TATDN3: variants seen among roughly 807,000 people sequenced by gnomAD.
TATDN3 encodes deoxyribonuclease TATDN3.
In TATDN3, 29 loss-of-function variants were observed where a neutral mutation model predicts 40.1. That is an observed-to-expected ratio of 0.72 (90% CI 0.54 to 0.99). TATDN3 has a LOEUF of 0.99. TATDN3 is among the 50% of genes least tolerant of loss of function. The probability of loss-of-function intolerance (pLI) is 0.00; values close to 1 mark genes in which losing one functional copy is unlikely to be tolerated. For synonymous variants in TATDN3, 105 were observed against 117.0 expected, an observed-to-expected ratio of 0.90 and a Z score of 0.66; for missense variants, 309 against 321.9, an observed-to-expected ratio of 0.96 and a Z score of 0.31.
At chr1:212,795,220 G>A in intron 2 of TATDN3, 93 bp downstream of exon 2, 1 of 697,998 alleles carries the variant, frequency 1.4e-6, no homozygotes, top group Non-Finnish European at 2.4e-6. Context: ...CTACCTTGAT[G>A]TTTCAGTAGT....
rs1338674400 is a variant in TATDN3 at position 212,804,434 on chromosome 1, G to T, written c.431+5G>T. On this transcript the variant is annotated splice_donor_5th_base_variant and intron_variant, in intron 6 of 9. Coordinates refer to ENST00000366974, the MANE Select transcript of TATDN3 (RefSeq NM_001042552.3). ...CAAAAGACTAAATTTGCCTGTGTAG[G>T]TTAATTATTTTCCTATGTTAATAGC... is the stretch of plus-strand genomic sequence containing the variant. 1 of 1,610,334 alleles carries T rather than the reference G, an allele frequency of 6.2e-7. No homozygotes were observed. Among genetic ancestry groups the T allele is most frequent in the Admixed American group, 1.7e-5 (1 of 59,902 alleles).
chr1:212,811,659 A>G (rs977129989), intron 8 of TATDN3, among the ~76,000 whole-genome samples: 1 of 151,944 alleles, frequency 6.6e-6, no homozygotes, highest in African/African-American at 2.4e-5. Context: ...GCTCACTGCA[A>G]CCTTGCCTGG....
rs529235760 is a variant in TATDN3 at position 212,806,058 on chromosome 1, TA to T, written c.487+1410del. Among the ~76,000 whole-genome samples the T allele has an allele frequency of 2.6e-4, 40 of 152,284 alleles. No individual in the cohort carries two copies. In the East Asian group the frequency reaches 7.7e-3, roughly 29 times the overall value. ...CATTTGAAAAAACTCTGTCAAATAA[TA>T]AAGTAAATGAAATTGCCTGCAACTA... On this transcript the variant is annotated intron_variant, in intron 7 of 9. Transcript: ENST00000366974.
intron 4 of TATDN3, among the ~76,000 whole-genome samples, chr1:212,801,643 CAGAGACATACAGT>C (rs1323458150): frequency 6.6e-6 from 1 of 152,154 alleles, no homozygotes; most frequent in Non-Finnish European, 1.5e-5. Flanking sequence ...TCTGAGATCT[CAGAGACATACAGT>C]AGTTTGGATG....
At chr1:212,812,850 A>G (rs1662969997) in intron 9 of TATDN3, among the ~76,000 whole-genome samples, 1 of 151,970 alleles carries the variant, frequency 6.6e-6, no homozygotes, top group Non-Finnish European at 1.5e-5. Context: ...TAAAAATACA[A>G]AAAAATTAGC....
chr1:212,806,599 A>C (rs1571966079), intron 7 of TATDN3, among the ~76,000 whole-genome samples: 1 of 144,124 alleles, frequency 6.9e-6, no homozygotes, highest in African/African-American at 2.6e-5. Context: ...CTGGTCTCAA[A>C]CTCCTGAGCT....
At chr1:212,803,971 G>A (rs1306695161) in intron 5 of TATDN3, among the ~76,000 whole-genome samples, 2 of 152,042 alleles carry the variant, frequency 1.3e-5, no homozygotes, top group Non-Finnish European at 2.9e-5. Flanking sequence ...AGGAGGCAGA[G>A]GTTGAAGTGA....
At chr1:212,803,926 C>T (rs1662309451) in intron 5 of TATDN3, among the ~76,000 whole-genome samples, 1 of 151,966 alleles carries the variant, frequency 6.6e-6, no homozygotes, top group Admixed American at 6.6e-5. Flanking sequence ...ATCCCAGCTA[C>T]TCAGGAAGCT....
In TATDN3 at chr1:212,815,107, AG is replaced by A; in HGVS notation, c.777del (p.Asn260MetfsTer3). On this transcript the variant is annotated frameshift_variant, in exon 10 of 10. Coordinates refer to ENST00000366974, the MANE Select transcript of TATDN3 (RefSeq NM_001042552.3). LOFTEE classifies it high-confidence loss of function. The part of the protein sequence containing the change: ...SVEEVIEVTT[Q>X]NALKLFPKLR... ...GAAGAAGTTATAGAAGTGACGACAC[AG>A]AATGCATTAAAACTGTTTCCTAAGC... is the stretch of plus-strand genomic sequence containing the variant. The A allele has an allele frequency of 6.2e-7, 1 of 1,614,094 alleles. No homozygotes were observed. The highest frequency in any genetic ancestry group is 8.5e-7 in the Non-Finnish European group (1 of 1,180,002).
chr1:212,795,575 T>G (rs568138513), intron 2 of TATDN3, among the ~76,000 whole-genome samples: 1 of 151,478 alleles, frequency 6.6e-6, no homozygotes, highest in Admixed American at 6.6e-5. Flanking sequence ...CCAGCCAATT[T>G]TTATTATTTA....
rs1407953279 is a variant in TATDN3, at chr1:212,804,426, C to T, written c.428C>T (p.Pro143Leu). The T allele has an allele frequency of 5.6e-6, 9 of 1,612,366 alleles. No homozygotes were observed. The highest frequency in any genetic ancestry group is 7.6e-6 in the Non-Finnish European group (9 of 1,178,556). ...QIQLAKRLNL[P>L]VNVHSRSAGR... ...CAGTTAGCCAAAAGACTAAATTTGC[C>T]TGTGTAGGTTAATTATTTTCCTATG... The change falls in exon 6 of 10, where the codon CCT becomes CTT. Residue 143 changes from proline to leucine, a missense_variant. Coordinates refer to ENST00000366974, the MANE Select transcript of TATDN3 (RefSeq NM_001042552.3).
rs143072334 is a variant in TATDN3 at position 212,795,262 on chromosome 1, T to TTTTATTTA, written c.99+154_99+161dup. 1,384 of 299,884 alleles carry TTTTATTTA rather than the reference T, an allele frequency of 4.6e-3. 28 individuals carry two copies. Among genetic ancestry groups the TTTTATTTA allele is most frequent in the South Asian group, 0.026 (234 of 8,852 alleles). 18.6% of individuals were successfully genotyped at this position (299,884 alleles called of 1,614,324 possible). Reference sequence around the variant, plus strand: ...TAAGTAGCATTTTTTATTTTTATTATTTTATTTATTTATTTATTTATTTAT... The same window carrying TTTTATTTA: ...TAAGTAGCATTTTTTATTTTTATTATTTTATTTATTTATTTATTTATTTATTTATTTAT... On this transcript the variant is annotated intron_variant, in intron 2 of 9. Transcript: ENST00000366974.
intron 8 of TATDN3, among the ~76,000 whole-genome samples, chr1:212,810,340 G>A (rs916715763): frequency 2.0e-5 from 3 of 151,706 alleles, no homozygotes; most frequent in Admixed American, 6.6e-5. Flanking sequence ...GTGAAACCCC[G>A]TCTCTACTAA....
At chr1:212,792,632 C>CAAAAAAAAAAAA (rs752952752) in intron 1 of TATDN3, among the ~76,000 whole-genome samples, 910 of 74,804 alleles carry the variant, frequency 0.012, 22 homozygotes, top group African/African-American at 0.036. Context: ...GACCCTGTCT[C>CAAAAAAAAAAAA]AAAAAAAAAA....
At position 212,815,041 on chromosome 1, in the gene TATDN3, T is replaced by G. The variant is rs116192831; in HGVS notation, c.710T>G (p.Ile237Ser). ...CGGAATGAGCCCTGGAACATTTCTA[T>G]TTCAGCAGAATATATTGCCCAGGTG... ...QVRNEPWNIS[I>S]SAEYIAQVKG... The change falls in exon 10 of 10, where the codon ATT (isoleucine) becomes AGT (serine). Residue 237 changes from isoleucine (I) to serine (S), a missense_variant. Physicochemically the swap from Ile to Ser is moderately radical, Grantham distance 142. Transcript: ENST00000366974. 6.4e-4 allele frequency: 1,025 copies of G among 1,613,920 alleles called. 9 individuals are homozygous for G. In the African/African-American group the frequency reaches 0.012, roughly 19 times the overall value.
chr1:212,803,907 G>A (rs991539069), intron 5 of TATDN3, among the ~76,000 whole-genome samples: 1 of 151,938 alleles, frequency 6.6e-6, no homozygotes, highest in African/African-American at 2.4e-5. Context: ...GTGGTAGCAG[G>A]CACCTGTAAT....
At chr1:212,801,581 C>T (rs1219123971) in intron 4 of TATDN3, among the ~76,000 whole-genome samples, 3 of 152,150 alleles carry the variant, frequency 2.0e-5, no homozygotes, top group Non-Finnish European at 4.4e-5. Context: ...GTGACTCAGG[C>T]TTTCTAAGTG....
chr1:212,804,392 A>G lies in TATDN3; in HGVS notation c.394A>G (p.Arg132Gly), dbSNP rs1237476670. 1 of 1,614,106 alleles carries G rather than the reference A, an allele frequency of 6.2e-7. No homozygotes were observed. Among genetic ancestry groups the G allele is most frequent in the Admixed American group, 1.7e-5 (1 of 60,018 alleles). Residue 132 changes from arginine to glycine, a missense_variant, in exon 6 of 10, where the codon AGA (arginine) becomes GGA (glycine). Arg to Gly is a moderately radical substitution (Grantham distance 125, BLOSUM62 -2). Transcript: ENST00000366974. Reference sequence around the variant, plus strand: ...GGAAGAGCAAAGACAAGTCCTAATCAGACAGATCCAGTTAGCCAAAAGACT... The same window carrying G: ...GGAAGAGCAAAGACAAGTCCTAATCGGACAGATCCAGTTAGCCAAAAGACT... ...QKEEQRQVLI[R>G]QIQLAKRLNL...
At chr1:212,795,199 AT>A in intron 2 of TATDN3, 72 bp downstream of exon 2, 1 of 1,066,794 alleles carries the variant, frequency 9.4e-7, no homozygotes, top group Non-Finnish European at 1.4e-6. Flanking sequence ...ACAGCTTGAA[AT>A]TTAGATATAC....
Sources: gnomAD v4.1 joint callset for allele counts (sites outside exome capture counted in the v4.1 genomes callset) on GRCh38, gnomAD v4.1.1 for gene constraint, MANE v1.5 for transcripts, NCBI Gene and HGNC (gene_info 2026-07-23, HGNC 2026-07-21) for gene names.